Variants in PCDH15 observed in about 807,000 individuals in gnomAD.
PCDH15 encodes protocadherin related 15.
Under a neutral mutation model 178.5 loss-of-function variants are expected in PCDH15, and 129 were observed. That is an observed-to-expected ratio of 0.72 (90% CI 0.63 to 0.84). The LOEUF (loss-of-function observed/expected upper bound fraction) is 0.84. Ranked by LOEUF, PCDH15 falls within the 40% of genes least tolerant of loss-of-function variation. The pLI is 0.00. For missense variants in PCDH15, 2,230 were observed against 2,099.9 expected, an observed-to-expected ratio of 1.06 and a Z score of -1.21; for synonymous variants, 800 against 732.0, an observed-to-expected ratio of 1.09 and a Z score of -1.50.
At chr10:55,582,629 T>TATATATATATATATATATA (rs1491243304) in intron 2 of PCDH15, among the ~76,000 whole-genome samples, 2 of 64,796 alleles carry the variant, frequency 3.1e-5, no homozygotes, top group African/African-American at 1.3e-4. Flanking sequence ...TATATATATA[T>TATATATATATATATATATA]TTTTTTTTTT....
chr10:54,665,342 C>G (rs1345741164), intron 1 of PCDH15, among the ~76,000 whole-genome samples: 1 of 151,844 alleles, frequency 6.6e-6, no homozygotes, highest in East Asian at 1.9e-4. Flanking sequence ...ATGTGATTTC[C>G]AAGTGTTTAC....
At chr10:54,059,330 T>C (rs935812043) in intron 18 of PCDH15, among the ~76,000 whole-genome samples, 2 of 152,346 alleles carry the variant, frequency 1.3e-5, no homozygotes, top group South Asian at 2.1e-4. Context: ...TTGGGTCTAC[T>C]GTTGGGAGTA....
intron 2 of PCDH15, among the ~76,000 whole-genome samples, chr10:55,035,881 G>A (rs996956547): frequency 6.6e-6 from 1 of 152,040 alleles, no homozygotes; most frequent in Admixed American, 6.6e-5. Flanking sequence ...TAATACTTTG[G>A]TCATGACCTA....
intron 1 of PCDH15, among the ~76,000 whole-genome samples, chr10:55,308,221 T>A (rs2132285717): frequency 6.6e-6 from 1 of 152,286 alleles, no homozygotes; most frequent in East Asian, 1.9e-4. Context: ...CCATGGGCCC[T>A]TGGTTTTGAG....
chr10:53,846,023 T>TAC (rs71461206), intron 28 of PCDH15, among the ~76,000 whole-genome samples: 36,526 of 147,000 alleles, frequency 0.25, 4,649 homozygotes, highest in Non-Finnish European at 0.3. Flanking sequence ...TGTATGTGTA[T>TAC]ACACACACAC....
upstream of PCDH15, among the ~76,000 whole-genome samples, chr10:54,805,584 T>G (rs1952766696): frequency 6.6e-6 from 1 of 152,198 alleles, no homozygotes; most frequent in Non-Finnish European, 1.5e-5. Flanking sequence ...GTTAATTTAG[T>G]TTCTTGCCAG....
chr10:54,734,524 C>A (rs767188627), intron 1 of PCDH15, among the ~76,000 whole-genome samples: 1 of 151,818 alleles, frequency 6.6e-6, no homozygotes, highest in Non-Finnish European at 1.5e-5. Context: ...CATTTAACTA[C>A]CAAATGACCT....
At chr10:55,025,856 G>A (rs954549770) in intron 2 of PCDH15, among the ~76,000 whole-genome samples, 1 of 151,854 alleles carries the variant, frequency 6.6e-6, no homozygotes, top group East Asian at 1.9e-4. Flanking sequence ...TGCGATTGAG[G>A]TACAGATCAA....
chr10:54,022,986 T>C lies in PCDH15; in HGVS notation c.2432A>G (p.Asp811Gly). ...GAACACAGGACTGTTATCATCAATG[T>C]CCAAAACCTTGATGGCCAAGGTTAG... ...STLTLAIKVL[D>G]IDDNSPVFTN... The change falls in exon 19 of 38, where the codon GAC becomes GGC. Residue 811 changes from aspartate (D) to glycine (G), a missense_variant. Coordinates refer to ENST00000644397, the MANE Select transcript of PCDH15 (RefSeq NM_001384140.1). 1 of 1,613,948 alleles carries C rather than the reference T, an allele frequency of 6.2e-7. No individual in the cohort carries two copies. Among genetic ancestry groups the C allele is most frequent in the Non-Finnish European group, 8.5e-7 (1 of 1,179,878 alleles).
chr10:54,349,180 G>T (rs554146848), intron 5 of PCDH15, among the ~76,000 whole-genome samples: 1 of 152,162 alleles, frequency 6.6e-6, no homozygotes, highest in Non-Finnish European at 1.5e-5. Context: ...TAAAGGGGGT[G>T]CCCATGCCTT....
chr10:54,667,356 T>C (rs2094587723), intron 1 of PCDH15, among the ~76,000 whole-genome samples: 1 of 151,962 alleles, frequency 6.6e-6, no homozygotes, highest in Admixed American at 6.6e-5. Context: ...TAAACAAAGA[T>C]ATAATGAAAA....
intron 9 of PCDH15, among the ~76,000 whole-genome samples, chr10:54,228,925 A>C (rs1402042470): frequency 2.6e-5 from 4 of 152,210 alleles, no homozygotes; most frequent in Non-Finnish European, 5.9e-5. Context: ...CATCACAAGC[A>C]GCCTTCTCTC....
At chr10:55,259,023 C>T (rs1224168286) in intron 1 of PCDH15, among the ~76,000 whole-genome samples, 2 of 152,060 alleles carry the variant, frequency 1.3e-5, no homozygotes, top group Admixed American at 6.5e-5. Flanking sequence ...TCCCCAATTT[C>T]AATTGGTCAG....
At chr10:55,500,392 G>A (rs1840629818) in intron 2 of PCDH15, among the ~76,000 whole-genome samples, 1 of 151,750 alleles carries the variant, frequency 6.6e-6, no homozygotes, top group East Asian at 1.9e-4. Flanking sequence ...ACTTTTACAT[G>A]AGGCAGTCAG....
intron 5 of PCDH15, among the ~76,000 whole-genome samples, chr10:54,364,962 G>A (rs1946589080): frequency 6.6e-6 from 1 of 152,068 alleles, no homozygotes; most frequent in Admixed American, 6.6e-5. Context: ...AGCAATAGTG[G>A]CTAAGTCCTT....
intron 3 of PCDH15, among the ~76,000 whole-genome samples, chr10:54,834,495 C>T (rs993124380): frequency 1.3e-5 from 2 of 151,696 alleles, no homozygotes; most frequent in South Asian, 4.2e-4. Context: ...AGAATTTAAA[C>T]TCAGATCTGT....
At chr10:53,979,948 G>C (rs999707423) in intron 21 of PCDH15, among the ~76,000 whole-genome samples, 6 of 152,196 alleles carry the variant, frequency 3.9e-5, no homozygotes, top group Non-Finnish European at 7.3e-5. Context: ...GCCAGGTGCG[G>C]CGGCTCACGC....
At chr10:54,067,463 G>C (rs1176081068) in intron 17 of PCDH15, among the ~76,000 whole-genome samples, 2 of 152,240 alleles carry the variant, frequency 1.3e-5, no homozygotes, top group Non-Finnish European at 2.9e-5. Context: ...TACGGAAATG[G>C]TATGCAGGTA....
chr10:55,610,221 A>T (rs1843337305), intron 2 of PCDH15, among the ~76,000 whole-genome samples: 1 of 152,108 alleles, frequency 6.6e-6, no homozygotes, highest in African/African-American at 2.4e-5. Context: ...AGCAGTTTAA[A>T]TTTGTTTAAC....
Sources: allele counts gnomAD v4.1 joint callset (sites outside exome capture counted in the v4.1 genomes callset), GRCh38; gene constraint gnomAD v4.1.1; transcripts MANE v1.5; gene names NCBI Gene and HGNC (gene_info 2026-07-23, HGNC 2026-07-21).